TTC29: variants seen among roughly 807,000 people sequenced by gnomAD.
The protein encoded by TTC29 is tetratricopeptide repeat domain 29.
A neutral mutation model predicts 58.1 loss-of-function variants in TTC29; 49 were observed. That is an observed-to-expected ratio of 0.84 (90% confidence interval 0.67 to 1.07). TTC29 has a LOEUF of 1.07. Ranked by LOEUF, TTC29 falls within the 50% of genes least tolerant of loss-of-function variation. The pLI is 0.00. For missense variants in TTC29, 582 were observed against 555.6 expected (o/e 1.05, Z -0.48); for synonymous variants, 209 against 196.8 (o/e 1.06, Z -0.52).
At chr4:146,755,458 C>A (rs1347994061) in intron 11 of TTC29, among the ~76,000 whole-genome samples, 4 of 152,110 alleles carry the variant, frequency 2.6e-5, no homozygotes, top group Admixed American at 6.6e-5. Flanking sequence ...ATCACACTTT[C>A]TCGTTTAAAG....
chr4:146,766,114 A>G (rs1027001418), intron 11 of TTC29, among the ~76,000 whole-genome samples: 1 of 152,098 alleles, frequency 6.6e-6, no homozygotes, highest in Non-Finnish European at 1.5e-5. Context: ...AAAGAAAACA[A>G]TCAGACTAAG....
chr4:146,930,467 T>C (rs1735256927), intron 4 of TTC29, among the ~76,000 whole-genome samples: 1 of 152,138 alleles, frequency 6.6e-6, no homozygotes, highest in Admixed American at 6.5e-5. Flanking sequence ...AAAAGAGTTC[T>C]TGTGAATCCA....
intron 11 of TTC29, among the ~76,000 whole-genome samples, chr4:146,742,797 T>G (rs1457215212): frequency 6.9e-6 from 1 of 145,340 alleles, no homozygotes; most frequent in Non-Finnish European, 1.5e-5. Flanking sequence ...CTCCTCTTTC[T>G]TCCTCCTTTA....
intron 11 of TTC29, among the ~76,000 whole-genome samples, chr4:146,797,306 A>G (rs1749896960): frequency 6.6e-6 from 1 of 152,376 alleles, no homozygotes; most frequent in South Asian, 2.1e-4. Flanking sequence ...AAATTTAAAA[A>G]GAAAAATTAT....
chr4:146,821,405 G>A (rs1361804559), intron 9 of TTC29, among the ~76,000 whole-genome samples: 1 of 151,924 alleles, frequency 6.6e-6, no homozygotes, highest in Non-Finnish European at 1.5e-5. Flanking sequence ...TAATTGTATA[G>A]CATAAGAATT....
At chr4:146,742,074 G>T (rs1745194908) in intron 11 of TTC29, among the ~76,000 whole-genome samples, 1 of 152,192 alleles carries the variant, frequency 6.6e-6, no homozygotes, top group Admixed American at 6.5e-5. Flanking sequence ...CTGGTAAATG[G>T]TGAGGCCATG....
Position 146,903,544 on chromosome 4 carries a change from CA to C in TTC29, c.585del (p.Asp195GlufsTer17). The C allele has an allele frequency of 6.3e-7, 1 of 1,597,598 alleles. No homozygotes were observed. Among genetic ancestry groups the C allele is most frequent in the Non-Finnish European group, 8.5e-7 (1 of 1,171,724 alleles). On this transcript the variant is annotated frameshift_variant and splice_region_variant, in exon 6 of 13. Transcript: ENST00000325106. LOFTEE classifies it high-confidence loss of function. ...GGCATCCTGGCAAATGCCCACTCAC[CA>C]TCTTCCTCGTAGAGAAGACCCATAT... ...HMHMGLLYEE[D>X]GQLLEAAEHY...
Position 146,903,586 on chromosome 4 carries a change from C to T in TTC29, c.544G>A (p.Ala182Thr). The T allele has an allele frequency of 6.2e-7, 1 of 1,612,350 alleles. No homozygotes were observed. The highest frequency in any genetic ancestry group is 8.5e-7 in the Non-Finnish European group (1 of 1,179,176). Residue 182 changes from alanine to threonine, a missense_variant, in exon 6 of 13, where the codon GCC becomes ACC. Physicochemically the swap from Ala to Thr is moderately conservative, Grantham distance 58. Coordinates refer to ENST00000325106, the MANE Select transcript of TTC29 (RefSeq NM_031956.4). Reference protein sequence around the residue: ...LIKIDCGKKEAEAHMHMGLLY... With the variant: ...LIKIDCGKKETEAHMHMGLLY... ...AGACCCATATGCATGTGTGCCTCGGCTTCTTTCTTCCCACAGTCAATTTTG... is the reference window on the plus strand; with the variant it reads ...AGACCCATATGCATGTGTGCCTCGGTTTCTTTCTTCCCACAGTCAATTTTG...
intron 11 of TTC29, among the ~76,000 whole-genome samples, chr4:146,725,570 A>G (rs751530908): frequency 6.6e-6 from 1 of 152,158 alleles, no homozygotes; most frequent in South Asian, 2.1e-4. Context: ...GGCTACTTTT[A>G]TGGCTAATTC....
At chr4:146,791,729 G>GTGCCAAA (rs1200826392) in intron 11 of TTC29, among the ~76,000 whole-genome samples, 2 of 152,214 alleles carry the variant, frequency 1.3e-5, no homozygotes, top group Non-Finnish European at 2.9e-5. Flanking sequence ...TAGGCCTCTT[G>GTGCCAAA]TGCCAAACAG....
intron 3 of TTC29, among the ~76,000 whole-genome samples, chr4:146,938,303 T>C (rs1434090251): frequency 6.6e-6 from 1 of 152,168 alleles, no homozygotes; most frequent in Non-Finnish European, 1.5e-5. Flanking sequence ...GATATGGAAC[T>C]AAACAAATAT....
At chr4:146,939,766 C>T (rs1315213739) in intron 3 of TTC29, 38 bp downstream of exon 3, 2 of 1,528,788 alleles carry the variant, frequency 1.3e-6, no homozygotes, top group Non-Finnish European at 1.8e-6. Flanking sequence ...CAGAAAATTC[C>T]TTCTGTAGGA....
At chr4:146,800,838 C>G (rs1750164118) in intron 11 of TTC29, among the ~76,000 whole-genome samples, 1 of 152,124 alleles carries the variant, frequency 6.6e-6, no homozygotes. Flanking sequence ...GAGACTTTTA[C>G]CCTTAATCAG....
chr4:146,786,139 A>C (rs562020792), intron 11 of TTC29, among the ~76,000 whole-genome samples: 20 of 152,248 alleles, frequency 1.3e-4, no homozygotes, highest in African/African-American at 4.8e-4. Context: ...TTATGAGTGG[A>C]GTTGTTTTCT....
intron 8 of TTC29, among the ~76,000 whole-genome samples, chr4:146,857,126 A>T (rs1330120522): frequency 6.6e-6 from 1 of 152,182 alleles, no homozygotes; most frequent in Non-Finnish European, 1.5e-5. Flanking sequence ...TTGTAAATAA[A>T]TACATATTTT....
intron 6 of TTC29, among the ~76,000 whole-genome samples, chr4:146,895,032 G>A (rs1463644786): frequency 6.6e-6 from 1 of 152,122 alleles, no homozygotes; most frequent in Non-Finnish European, 1.5e-5. Flanking sequence ...GTGTCCATGT[G>A]TTCTCATCAG....
chr4:146,740,157 G>A (rs748323130), intron 11 of TTC29, among the ~76,000 whole-genome samples: 9 of 152,118 alleles, frequency 5.9e-5, no homozygotes, highest in Non-Finnish European at 8.8e-5. Context: ...GCAAACCTCC[G>A]TTGCATGGAG....
chr4:146,808,594 T>C (rs1038414114), intron 10 of TTC29, among the ~76,000 whole-genome samples: 3 of 149,756 alleles, frequency 2.0e-5, no homozygotes, highest in African/African-American at 7.3e-5. Flanking sequence ...TATACACCAA[T>C]AACAGACAGA....
At chr4:146,726,881 CT>C (rs2150012785) in intron 11 of TTC29, among the ~76,000 whole-genome samples, 1 of 152,030 alleles carries the variant, frequency 6.6e-6, no homozygotes, top group East Asian at 1.9e-4. Context: ...ACATTCCTTA[CT>C]TTAAAAATTA....
Sources: gnomAD v4.1 joint callset for allele counts (sites outside exome capture counted in the v4.1 genomes callset) on GRCh38, gnomAD v4.1.1 for gene constraint, MANE v1.5 for transcripts, NCBI Gene and HGNC (gene_info 2026-07-23, HGNC 2026-07-21) for gene names.